PPP2R5E: variants seen among roughly 807,000 people sequenced by gnomAD.
PPP2R5E encodes serine/threonine-protein phosphatase 2A 56 kDa regulatory subunit epsilon isoform.
Under a neutral mutation model 65.3 loss-of-function variants are expected in PPP2R5E, and 4 were observed. The ratio of observed to expected loss-of-function variants is 0.06; its 90% CI spans 0.03 to 0.14. The LOEUF (loss-of-function observed/expected upper bound fraction) is 0.14, where lower values mean the gene tolerates loss of function less well. Ranked by LOEUF, PPP2R5E falls within the 10% of genes least tolerant of loss-of-function variation. PPP2R5E has a pLI of 1.00. For missense variants in PPP2R5E, 274 were observed against 556.1 expected, an observed-to-expected ratio of 0.49 and a Z score of 5.10; for synonymous variants, 183 against 187.4, an observed-to-expected ratio of 0.98 and a Z score of 0.19.
chr14:63,461,376 A>G (rs1889449829), intron 2 of PPP2R5E, among the ~76,000 whole-genome samples: 1 of 152,132 alleles, frequency 6.6e-6, no homozygotes, highest in African/African-American at 2.4e-5. Context: ...ATTTTTCTTC[A>G]GGTAAAGGCA....
intron 2 of PPP2R5E, among the ~76,000 whole-genome samples, chr14:63,482,610 G>A (rs1024442576): frequency 6.6e-6 from 1 of 152,170 alleles, no homozygotes; most frequent in Non-Finnish European, 1.5e-5. Flanking sequence ...GGAGTAATAT[G>A]AGAAGGCATG....
At chr14:63,512,510 T>C (rs1892506576) in intron 2 of PPP2R5E, among the ~76,000 whole-genome samples, 2 of 152,344 alleles carry the variant, frequency 1.3e-5, no homozygotes, top group Admixed American at 1.3e-4. Context: ...TCTCAGTAGT[T>C]GTTACTTTCT....
chr14:63,382,277 C>A, intron 12 of PPP2R5E, 120 bp from the exon 13 acceptor site: 1 of 541,128 alleles, frequency 1.8e-6, no homozygotes, highest in Non-Finnish European at 3.1e-6. Flanking sequence ...CTGTCTGTAT[C>A]CTTTTTTAGT....
Position 63,448,869 on chromosome 14 carries a change from A to C in PPP2R5E, c.354+4820T>G, listed in dbSNP as rs146374146. ...GTGTGCATGTGATTTGTTTATACCC[A>C]TAAGAGCTGCTTTGCTTTCCTAATT... is the stretch of plus-strand genomic sequence containing the variant. On this transcript the variant is annotated intron_variant, in intron 3 of 13. Coordinates refer to ENST00000337537, the MANE Select transcript of PPP2R5E (RefSeq NM_006246.5). 2.6e-5 allele frequency among the ~76,000 whole-genome samples: 4 copies of C among 151,924 alleles called. No individual in the cohort carries two copies. In the East Asian group the frequency reaches 7.7e-4, roughly 29 times the overall value.
intron 2 of PPP2R5E, among the ~76,000 whole-genome samples, chr14:63,455,349 C>T (rs72714246): frequency 1.1e-3 from 162 of 152,252 alleles, no homozygotes; most frequent in Non-Finnish European, 1.6e-3. Context: ...GGATAGGACA[C>T]CTAAATACAT....
chr14:63,510,049 C>T (rs554851305), intron 2 of PPP2R5E, among the ~76,000 whole-genome samples: 2 of 152,110 alleles, frequency 1.3e-5, no homozygotes, highest in Non-Finnish European at 2.9e-5. Flanking sequence ...CATAAGCATA[C>T]AATGATTATA....
At chr14:63,491,586 G>A (rs917821772) in intron 2 of PPP2R5E, among the ~76,000 whole-genome samples, 4 of 152,126 alleles carry the variant, frequency 2.6e-5, no homozygotes, top group Non-Finnish European at 5.9e-5. Context: ...GGTGGCTCAT[G>A]CCTATAATGG....
intron 5 of PPP2R5E, among the ~76,000 whole-genome samples, chr14:63,411,951 A>G (rs902393121): frequency 6.6e-6 from 1 of 152,212 alleles, no homozygotes; most frequent in Admixed American, 6.5e-5. Context: ...GCGTACCCAT[A>G]TATAATAGTG....
chr14:63,488,312 C>T lies in PPP2R5E; in HGVS notation c.158-34427G>A, dbSNP rs146373595. ...TCCTTGGTCCAAGCAATCCTCCCAC[C>T]TCAGCCTCCCAAATAGCTAAGACTA... On this transcript the variant is annotated intron_variant, in intron 2 of 13. Transcript: ENST00000337537. Among the ~76,000 whole-genome samples, 200 of 152,126 alleles carry T rather than the reference C, an allele frequency of 1.3e-3. 1 individual carries two copies. The highest frequency in any genetic ancestry group is 4.6e-3 in the African/African-American group (191 of 41,490).
intron 3 of PPP2R5E, among the ~76,000 whole-genome samples, chr14:63,438,989 C>CA (rs952866411): frequency 6.0e-4 from 80 of 133,502 alleles, no homozygotes; most frequent in South Asian, 1.2e-3. Flanking sequence ...GCAGTTCTCC[C>CA]AAAAAAAAAA....
intron 2 of PPP2R5E, among the ~76,000 whole-genome samples, chr14:63,496,296 A>G (rs1891563483): frequency 6.6e-6 from 1 of 152,008 alleles, no homozygotes; most frequent in Non-Finnish European, 1.5e-5. Flanking sequence ...TGAGGTCAGC[A>G]GTTAGAGACC....
At chr14:63,525,167 C>A (rs1035682807) in intron 2 of PPP2R5E, among the ~76,000 whole-genome samples, 1 of 152,214 alleles carries the variant, frequency 6.6e-6, no homozygotes, top group Non-Finnish European at 1.5e-5. Context: ...GAAAAACCAA[C>A]AGACATCTCT....
intron 3 of PPP2R5E, among the ~76,000 whole-genome samples, chr14:63,423,721 T>C (rs972858983): frequency 6.6e-6 from 1 of 152,220 alleles, no homozygotes; most frequent in African/African-American, 2.4e-5. Context: ...ATAATCTGAA[T>C]GTGTTTATTC....
chr14:63,505,346 T>C (rs1374299099), intron 2 of PPP2R5E, among the ~76,000 whole-genome samples: 1 of 152,200 alleles, frequency 6.6e-6, no homozygotes, highest in Non-Finnish European at 1.5e-5. Context: ...TTTCCAAAGA[T>C]GCCAAAAGCA....
At chr14:63,492,900 G>A (rs925251742) in intron 2 of PPP2R5E, among the ~76,000 whole-genome samples, 10 of 152,082 alleles carry the variant, frequency 6.6e-5, no homozygotes, top group South Asian at 4.1e-4. Flanking sequence ...TTTAGACAAC[G>A]TTTATAGCCT....
At chr14:63,420,723 T>C (rs1394349695) in intron 4 of PPP2R5E, among the ~76,000 whole-genome samples, 1 of 152,160 alleles carries the variant, frequency 6.6e-6, no homozygotes, top group Non-Finnish European at 1.5e-5. Context: ...TCTCTAGGCC[T>C]TCTCTCTCTG....
chr14:63,431,143 C>G (rs1462135275), intron 3 of PPP2R5E, among the ~76,000 whole-genome samples: 1 of 152,068 alleles, frequency 6.6e-6, no homozygotes, highest in East Asian at 1.9e-4. Flanking sequence ...GGGCGCATGC[C>G]TGTAGTCCCA....
chr14:63,497,284 C>T (rs1436751525), intron 2 of PPP2R5E, among the ~76,000 whole-genome samples: 4 of 152,026 alleles, frequency 2.6e-5, no homozygotes, highest in Admixed American at 2.6e-4. Flanking sequence ...GATCTCTAGC[C>T]AATTAAGAAC....
intron 5 of PPP2R5E, among the ~76,000 whole-genome samples, chr14:63,406,913 G>A (rs774619770): frequency 6.6e-6 from 1 of 152,156 alleles, no homozygotes; most frequent in Non-Finnish European, 1.5e-5. Flanking sequence ...TAACATGCTA[G>A]GTAAGACATG....
Sources: allele counts gnomAD v4.1 joint callset (sites outside exome capture counted in the v4.1 genomes callset), GRCh38; gene constraint gnomAD v4.1.1; transcripts MANE v1.5; gene names NCBI Gene and HGNC (gene_info 2026-07-23, HGNC 2026-07-21).